Variants in ADARB2 observed in about 807,000 individuals in gnomAD.
ADARB2 encodes adenosine deaminase RNA specific B2 (inactive), also known as inactive double-stranded RNA-specific editase B2.
Under a neutral mutation model 62.2 loss-of-function variants are expected in ADARB2, and 25 were observed. The ratio of observed to expected loss-of-function variants is 0.40; its 90% CI spans 0.29 to 0.56. ADARB2 has a LOEUF of 0.56. Ranked by LOEUF, ADARB2 falls within the 20% of genes least tolerant of loss-of-function variation. The pLI, the probability that ADARB2 is intolerant of heterozygous loss-of-function variation, is 0.43. For missense variants in ADARB2, 1,071 were observed against 1,077.4 expected, an observed-to-expected ratio of 0.99 and a Z score of 0.08; for synonymous variants, 572 against 500.8, an observed-to-expected ratio of 1.14 and a Z score of -1.90.
intron 1 of ADARB2, among the ~76,000 whole-genome samples, chr10:1,665,000 A>C (rs1354026597): frequency 2.0e-5 from 3 of 152,196 alleles, no homozygotes; most frequent in African/African-American, 7.2e-5. Context: ...GACCCATGAG[A>C]TTCAAGGTGA....
chr10:1,362,097 T>A (rs1365348152), intron 3 of ADARB2, among the ~76,000 whole-genome samples: 1 of 152,160 alleles, frequency 6.6e-6, no homozygotes, highest in Non-Finnish European at 1.5e-5. Flanking sequence ...GAAAATAGGG[T>A]CTGGAGGCAG....
intron 1 of ADARB2, among the ~76,000 whole-genome samples, chr10:1,670,019 T>C (rs1834364018): frequency 6.6e-6 from 1 of 152,252 alleles, no homozygotes; most frequent in Non-Finnish European, 1.5e-5. Flanking sequence ...ACAGGGCGTC[T>C]GTGAGTCTCA....
At chr10:1,454,049 A>G (rs907423950) in intron 1 of ADARB2, among the ~76,000 whole-genome samples, 3 of 152,230 alleles carry the variant, frequency 2.0e-5, no homozygotes, top group African/African-American at 7.2e-5. Flanking sequence ...TAAAGGAAAG[A>G]GGTTTAATGG....
chr10:1,352,818 C>G (rs891353556), intron 3 of ADARB2, among the ~76,000 whole-genome samples: 5 of 152,172 alleles, frequency 3.3e-5, no homozygotes, highest in Non-Finnish European at 7.3e-5. Context: ...ATTCCAGATA[C>G]CACACCTGAC....
At chr10:1,648,711 C>G (rs187254006) in intron 1 of ADARB2, among the ~76,000 whole-genome samples, 1 of 152,180 alleles carries the variant, frequency 6.6e-6, no homozygotes, top group Non-Finnish European at 1.5e-5. Flanking sequence ...TCTACCATTA[C>G]GCTGACTAAC....
intron 1 of ADARB2, among the ~76,000 whole-genome samples, chr10:1,614,471 T>C (rs1272548255): frequency 6.6e-6 from 1 of 152,230 alleles, no homozygotes; most frequent in Non-Finnish European, 1.5e-5. Flanking sequence ...ACATGGGAGA[T>C]GTTGCTCTCA....
intron 3 of ADARB2, among the ~76,000 whole-genome samples, chr10:1,350,934 C>A (rs187284705): frequency 6.6e-6 from 1 of 152,308 alleles, no homozygotes; most frequent in East Asian, 1.9e-4. Context: ...GACAAACCCC[C>A]GCCATATCTC....
At chr10:1,505,505 C>CCA (rs1385011762) in intron 1 of ADARB2, among the ~76,000 whole-genome samples, 1 of 152,036 alleles carries the variant, frequency 6.6e-6, no homozygotes, top group Admixed American at 6.5e-5. Flanking sequence ...TGACTCACAT[C>CCA]CACACACATC....
rs1273903604 is a variant in ADARB2, at chr10:1,255,657, T to C, written c.1193-13358A>G. 6.6e-6 allele frequency among the ~76,000 whole-genome samples: 1 copy of C among 152,130 alleles called. No individual in the cohort carries two copies. The highest frequency in any genetic ancestry group is 2.4e-5 in the African/African-American group (1 of 41,418). ...AAACCTGATGGGCTGTCGGTGAGGT[T>C]AGAGGTAAGAGGGAGGAAACTGAGG... On this transcript the variant is annotated intron_variant, in intron 4 of 9. Transcript: ENST00000381312. This position sits in a 1 kb window ranked among gnomAD's most constrained non-coding sequence, Gnocchi z 4.7.
intron 1 of ADARB2, among the ~76,000 whole-genome samples, chr10:1,664,549 C>T (rs1161128858): frequency 6.6e-6 from 1 of 152,182 alleles, no homozygotes; most frequent in African/African-American, 2.4e-5. Context: ...CACGAATGGC[C>T]TTTAGCAGTT....
intron 1 of ADARB2, among the ~76,000 whole-genome samples, chr10:1,676,799 G>A (rs952065212): frequency 6.6e-6 from 1 of 151,642 alleles, no homozygotes; most frequent in Non-Finnish European, 1.5e-5. Flanking sequence ...TTTTTAAGAT[G>A]GAAAGAGTGT....
chr10:1,288,969 T>C (rs1831439185), intron 3 of ADARB2, among the ~76,000 whole-genome samples: 1 of 152,262 alleles, frequency 6.6e-6, no homozygotes, highest in Non-Finnish European at 1.5e-5. Context: ...TCAGACATGA[T>C]GGAAGAGGGG....
rs535909630 is a variant in ADARB2 at position 1,463,644 on chromosome 10, T to C, written c.101-84484A>G. Among the ~76,000 whole-genome samples the C allele has an allele frequency of 5.3e-3, 800 of 152,354 alleles. 2 individuals carry two copies. The highest frequency in any genetic ancestry group is 9.0e-3 in the Non-Finnish European group (611 of 68,024). ...ATGATTCTGTCTCAACTTGTGCTAC[T>C]GAAAGGATTTCTGGCACAAGCGTAG... On this transcript the variant is annotated intron_variant, in intron 1 of 9. Transcript: ENST00000381312.
chr10:1,219,156 A>G (rs1439038574), intron 6 of ADARB2, among the ~76,000 whole-genome samples: 2 of 151,620 alleles, frequency 1.3e-5, no homozygotes, highest in East Asian at 3.9e-4. Flanking sequence ...AGGCCTCCCC[A>G]GAAGCCAAGC....
intron 1 of ADARB2, among the ~76,000 whole-genome samples, chr10:1,500,276 T>C (rs980067674): frequency 1.3e-5 from 2 of 152,214 alleles, no homozygotes; most frequent in Non-Finnish European, 2.9e-5. Flanking sequence ...CTGTTCTCTG[T>C]TGTTATTTCA....
At chr10:1,713,277 A>G (rs958624819) in intron 1 of ADARB2, among the ~76,000 whole-genome samples, 2 of 152,184 alleles carry the variant, frequency 1.3e-5, no homozygotes, top group Admixed American at 6.5e-5. Flanking sequence ...TGGATCCTAC[A>G]GCGCTTGGGA....
At chr10:1,222,243 C>T (rs537524178) in intron 6 of ADARB2, among the ~76,000 whole-genome samples, 17 of 152,236 alleles carry the variant, frequency 1.1e-4, no homozygotes, top group East Asian at 3.9e-4. Context: ...TCATATCCTT[C>T]GCCCACTTTT....
chr10:1,617,776 C>A (rs1253650659), intron 1 of ADARB2, among the ~76,000 whole-genome samples: 1 of 152,066 alleles, frequency 6.6e-6, no homozygotes, highest in Non-Finnish European at 1.5e-5. Context: ...ACACTCCACA[C>A]CACCCTGCTG....
At chr10:1,698,863 A>G (rs1339700804) in intron 1 of ADARB2, among the ~76,000 whole-genome samples, 1 of 152,212 alleles carries the variant, frequency 6.6e-6, no homozygotes, top group Admixed American at 6.5e-5. Context: ...AAGTTCAAGC[A>G]GTTCTCCCTG....
Sources: gnomAD v4.1 joint callset for allele counts (sites outside exome capture counted in the v4.1 genomes callset) on GRCh38, gnomAD v4.1.1 for gene constraint, Gnocchi (gnomAD v3.1) non-coding constraint, MANE v1.5 for transcripts, NCBI Gene and HGNC (gene_info 2026-07-23, HGNC 2026-07-21) for gene names.